ABR: variants seen among roughly 807,000 people sequenced by gnomAD.
ABR encodes active breakpoint cluster region-related protein.
ABR carries 35 observed loss-of-function variants against 107.2 expected under a neutral mutation model. That is an observed-to-expected ratio of 0.33 (90% CI 0.25 to 0.43). The LOEUF (loss-of-function observed/expected upper bound fraction) is 0.43. Ranked by LOEUF, ABR falls within the 20% of genes least tolerant of loss-of-function variation. The pLI, the probability that ABR is intolerant of heterozygous loss-of-function variation, is 1.00. For synonymous variants in ABR, 498 were observed against 462.0 expected, an observed-to-expected ratio of 1.08 and a Z score of -1.00; for missense variants, 815 against 1,115.2, an observed-to-expected ratio of 0.73 and a Z score of 3.83.
Position 1,179,887 on chromosome 17 carries a change from G to A in ABR, c.-160C>T, listed in dbSNP as rs1390036767. 4 of 665,674 alleles carry A rather than the reference G, an allele frequency of 6.0e-6. No homozygotes were observed. The South Asian group carries it at 1.2e-4, about 20-fold the overall frequency. 41.2% of individuals were successfully genotyped at this position (665,674 alleles called of 1,614,324 possible). A position where few individuals can be genotyped will look rare whatever the true frequency, so the allele number is the denominator to read the frequency against. ...AGGAGCGCGGGGCGGCCGGGGCAGG[G>A]GCGAGGGCGGGGCGGGAGCCCCCAA... is the stretch of plus-strand genomic sequence containing the variant. On this transcript the variant is annotated 5_prime_UTR_variant, in exon 1 of 23. Transcript: ENST00000302538. The surrounding 1 kb of genome is among the most constrained non-coding windows in gnomAD (Gnocchi z 4.9).
chr17:1,185,471 C>A (rs1340505791), intron 1 of ABR, among the ~76,000 whole-genome samples: 1 of 151,788 alleles, frequency 6.6e-6, no homozygotes, highest in Non-Finnish European at 1.5e-5. Context: ...ATGGTGAAAC[C>A]CCGTCTCTAC....
chr17:1,012,521 A>G (rs759156606), intron 18 of ABR, 167 bp downstream of exon 18: 6 of 698,434 alleles, frequency 8.6e-6, no homozygotes, highest in South Asian at 1.5e-5. Context: ...GTGTCCTGTG[A>G]GCGCCTCTGC....
intron 1 of ABR, among the ~76,000 whole-genome samples, chr17:1,137,115 C>T (rs2040103548): frequency 6.6e-6 from 1 of 151,922 alleles, no homozygotes; most frequent in Non-Finnish European, 1.5e-5. Context: ...ACAATCTCAG[C>T]TCACTGCAAC....
Position 1,005,725 on chromosome 17 carries a change from G to T in ABR, c.*355C>A. 1 of 326,216 alleles carries T rather than the reference G, an allele frequency of 3.1e-6. No homozygotes were observed. The highest frequency in any genetic ancestry group is 5.8e-6 in the Non-Finnish European group (1 of 173,642). The allele number at this position is 326,216 out of a possible 1,614,324, so 20.2% of individuals were successfully genotyped here. A position where few individuals can be genotyped will look rare whatever the true frequency, so the allele number is the denominator to read the frequency against. On this transcript the variant is annotated 3_prime_UTR_variant, in exon 23 of 23. Transcript: ENST00000302538. ...TGGGCTGGACTCAGGCGGAAAGAAA[G>T]TGCTGGAGGAAATGAAAGAACAAAG...
At chr17:1,031,976 CG>C in intron 16 of ABR, 1 of 767,852 alleles carries the variant, frequency 1.3e-6, no homozygotes, top group South Asian at 6.6e-5. Flanking sequence ...GGCTGAGCGC[CG>C]CCTCCCAGGC....
intron 3 of ABR, among the ~76,000 whole-genome samples, chr17:1,096,715 G>A (rs1367604592): frequency 6.6e-6 from 1 of 151,742 alleles, no homozygotes; most frequent in African/African-American, 2.4e-5. Context: ...GAGAGCTGGG[G>A]AAGGGGGGGA....
intron 1 of ABR, among the ~76,000 whole-genome samples, chr17:1,201,727 G>A (rs940597609): frequency 6.6e-6 from 1 of 152,086 alleles, no homozygotes; most frequent in African/African-American, 2.4e-5. Flanking sequence ...CCAGGCTGGT[G>A]TGCAGTGGCG....
intron 16 of ABR, among the ~76,000 whole-genome samples, chr17:1,017,955 T>C (rs1443697591): frequency 6.6e-6 from 1 of 151,954 alleles, no homozygotes; most frequent in Non-Finnish European, 1.5e-5. Context: ...GGCTGCTATG[T>C]TGCCCTGGGC....
At chr17:1,180,182 G>A (rs2042085485), upstream of ABR, among the ~76,000 whole-genome samples, 1 of 151,942 alleles carries the variant, frequency 6.6e-6, no homozygotes, top group Non-Finnish European at 1.5e-5. Context: ...GTCTCGGGGG[G>A]TCTCCAGGCG....
chr17:1,158,789 G>T (rs538752944), intron 1 of ABR, among the ~76,000 whole-genome samples: 2 of 151,876 alleles, frequency 1.3e-5, no homozygotes, highest in African/African-American at 4.8e-5. Flanking sequence ...TCAAAAGTGC[G>T]TAGGGCTAGT....
At chr17:1,222,333 G>A (rs2043134627) in intron 1 of ABR, among the ~76,000 whole-genome samples, 3 of 152,108 alleles carry the variant, frequency 2.0e-5, no homozygotes. Context: ...CCAAAGTGCT[G>A]GGATTACAGG....
intron 4 of ABR, among the ~76,000 whole-genome samples, chr17:1,090,372 ACT>A (rs1228620371): frequency 1.4e-5 from 2 of 141,646 alleles, no homozygotes; most frequent in Non-Finnish European, 3.0e-5. Flanking sequence ...GGTTTCAGTG[ACT>A]CTCTCCCCTC....
intron 10 of ABR, among the ~76,000 whole-genome samples, chr17:1,066,411 A>C (rs924323174): frequency 6.6e-6 from 1 of 151,964 alleles, no homozygotes; most frequent in Non-Finnish European, 1.5e-5. Flanking sequence ...CTCTCTCCTT[A>C]TTTATTTGCC....
In ABR at chr17:1,179,196, A is replaced by T. The variant is rs34850632; in HGVS notation, c.61+471T>A. Among the ~76,000 whole-genome samples the T allele has an allele frequency of 6.6e-6, 1 of 150,814 alleles. No homozygotes were observed. ...ACCCCTGGGCCCTGAACCACACATG[A>T]CCCGGTGCCCCTGGGGTGGCAAACT... On this transcript the variant is annotated intron_variant, in intron 1 of 22. Transcript: ENST00000302538. The surrounding 1 kb of genome is among the most constrained non-coding windows in gnomAD (Gnocchi z 4.9).
intron 1 of ABR, among the ~76,000 whole-genome samples, chr17:1,207,226 C>T (rs1156624069): frequency 6.7e-6 from 1 of 148,646 alleles, no homozygotes; most frequent in African/African-American, 2.5e-5. Flanking sequence ...GGCACTCCAG[C>T]CTGGGCAACA....
chr17:1,100,817 C>A (rs74790420), intron 2 of ABR, 82 bp from the exon 3 acceptor site: 44,800 of 1,291,562 alleles, frequency 0.035, 948 homozygotes, highest in Non-Finnish European at 0.039. Flanking sequence ...CCCTGCCCTT[C>A]CCCCCCGACC....
intron 2 of ABR, among the ~76,000 whole-genome samples, chr17:1,105,386 T>C (rs891333630): frequency 6.6e-6 from 1 of 152,136 alleles, no homozygotes; most frequent in African/African-American, 2.4e-5. Context: ...TTTTCTAATA[T>C]ATATTAAAAT....
chr17:1,192,853 A>G (rs2042465309), intron 1 of ABR, among the ~76,000 whole-genome samples: 1 of 152,132 alleles, frequency 6.6e-6, no homozygotes, highest in South Asian at 2.1e-4. Flanking sequence ...GTTTGAGAGC[A>G]GCCTGACCAA....
At position 1,220,969 on chromosome 17, in the gene ABR, C is replaced by T. The variant is rs568560938; in HGVS notation, c.838+7824G>A. The stretch of plus-strand genomic sequence containing the variant: ...CTCTTCACAGTAAACATGTAAAAGG[C>T]TACTGCCTTGCACAGGGCCGTGGCT... On this transcript the variant is annotated intron_variant, in intron 1 of 22. Coordinates refer to the ABR transcript ENST00000574139. Among the ~76,000 whole-genome samples, 3 of 152,236 alleles carry T rather than the reference C, an allele frequency of 2.0e-5. No individual in the cohort carries two copies. The South Asian group carries it at 6.2e-4, about 32-fold the overall frequency.
Sources: gnomAD v4.1 joint callset for allele counts (sites outside exome capture counted in the v4.1 genomes callset) on GRCh38, gnomAD v4.1.1 for gene constraint, Gnocchi (gnomAD v3.1) non-coding constraint, MANE v1.5 for transcripts, NCBI Gene and HGNC (gene_info 2026-07-23, HGNC 2026-07-21) for gene names.